CYP2C18: variants seen among roughly 807,000 people sequenced by gnomAD.
The protein encoded by CYP2C18 is cytochrome P450 2C18.
Under a neutral mutation model 41.3 loss-of-function variants are expected in CYP2C18, and 38 were observed. The observed-to-expected ratio is 0.92, with a 90% CI of 0.71 to 1.21. The LOEUF (loss-of-function observed/expected upper bound fraction) is 1.21. Among genes scored for constraint, CYP2C18 ranks in the 50% most tolerant of loss-of-function variants. The pLI is 0.00. For synonymous variants in CYP2C18, 236 were observed against 210.0 expected (o/e 1.12, Z -1.07); for missense variants, 635 against 591.4 (o/e 1.07, Z -0.77).
At chr10:94,701,422 G>C (rs1261897311) in intron 4 of CYP2C18, among the ~76,000 whole-genome samples, 1 of 151,932 alleles carries the variant, frequency 6.6e-6, no homozygotes, top group Non-Finnish European at 1.5e-5. Context: ...TGAACAGTGA[G>C]AACACACGGA....
intron 7 of CYP2C18, among the ~76,000 whole-genome samples, chr10:94,726,744 TCAACATCTTTTC>T (rs1847749749): frequency 6.6e-6 from 1 of 152,146 alleles, no homozygotes; most frequent in Non-Finnish European, 1.5e-5. Flanking sequence ...AATTTTTGTC[TCAACATCTTTTC>T]CAGTGCCTTC....
intron 5 of CYP2C18, among the ~76,000 whole-genome samples, chr10:94,717,968 A>T (rs1267544939): frequency 6.6e-6 from 1 of 151,886 alleles, no homozygotes; most frequent in Non-Finnish European, 1.5e-5. Context: ...TTTTTTGGGG[A>T]TGACTTTTCC....
intron 8 of CYP2C18, chr10:94,733,711 C>T: frequency 4.1e-6 from 2 of 491,922 alleles, no homozygotes; most frequent in Non-Finnish European, 5.3e-6. Context: ...ACTGAGCTAC[C>T]CAAGAGCTCT....
intron 3 of CYP2C18, among the ~76,000 whole-genome samples, chr10:94,694,265 A>C (rs992259230): frequency 6.6e-6 from 1 of 152,136 alleles, no homozygotes; most frequent in African/African-American, 2.4e-5. Flanking sequence ...TGTCTGCTCT[A>C]TTTGTAGTTT....
chr10:94,727,652 T>C (rs1847765115), intron 7 of CYP2C18, among the ~76,000 whole-genome samples: 1 of 151,766 alleles, frequency 6.6e-6, no homozygotes, highest in African/African-American at 2.4e-5. Flanking sequence ...AAAAGAAATA[T>C]CATGTATTCA....
intron 4 of CYP2C18, among the ~76,000 whole-genome samples, chr10:94,701,332 A>T (rs1847239885): frequency 6.6e-6 from 1 of 152,212 alleles, no homozygotes; most frequent in Non-Finnish European, 1.5e-5. Flanking sequence ...ACATGGATGA[A>T]GCTGGAAACC....
rs1363177696 is a variant in CYP2C18, at chr10:94,735,292, G to T, written c.1321G>T (p.Ala441Ser). 2 of 1,613,456 alleles carry T rather than the reference G, an allele frequency of 1.2e-6. No homozygotes were observed. The highest frequency in any genetic ancestry group is 1.3e-5 in the African/African-American group (1 of 74,880). ...ACGGATGTGTATGGGAGAGGGCCTG[G>T]CCCGCATGGAGCTGTTTTTATTCCT... ...GKRMCMGEGL[A>S]RMELFLFLTT... The change falls in exon 9 of 9, where the codon GCC becomes TCC. Residue 441 changes from alanine to serine, a missense_variant. By Grantham distance (99) the Ala-to-Ser change is moderately conservative. Coordinates refer to ENST00000285979, the MANE Select transcript of CYP2C18 (RefSeq NM_000772.3).
At chr10:94,695,215 C>A in intron 4 of CYP2C18, 138 bp downstream of exon 4, 1 of 734,174 alleles carries the variant, frequency 1.4e-6, no homozygotes, top group Non-Finnish European at 2.2e-6. Flanking sequence ...CATGGGTATA[C>A]ATGTGCCATG....
intron 5 of CYP2C18, among the ~76,000 whole-genome samples, chr10:94,707,705 G>C (rs138456176): frequency 6.6e-6 from 1 of 152,314 alleles, no homozygotes; most frequent in Non-Finnish European, 1.5e-5. Flanking sequence ...TGCTGAAAGT[G>C]TGGGCTACAG....
At position 94,695,040 on chromosome 10, in the gene CYP2C18, A is replaced by T. The variant is rs137908489; in HGVS notation, c.605A>T (p.Asn202Ile). The change falls in exon 4 of 9, where the codon AAT becomes ATT. Residue 202 changes from asparagine to isoleucine, a missense_variant. Transcript: ENST00000285979. ...QRFLNLMEKF[N>I]ENLRILSSPW... Reference sequence around the variant, plus strand: ...TTTCTTAACTTGATGGAAAAATTCAATGAAAACCTCAGGATTCTGAGCTCT... The same window carrying T: ...TTTCTTAACTTGATGGAAAAATTCATTGAAAACCTCAGGATTCTGAGCTCT... The T allele has an allele frequency of 1.2e-6, 2 of 1,613,086 alleles. No individual in the cohort carries two copies. The highest frequency in any genetic ancestry group is 2.2e-5 in the East Asian group (1 of 44,794).
At chr10:94,729,432 A>G (rs553644155) in intron 7 of CYP2C18, among the ~76,000 whole-genome samples, 1 of 152,292 alleles carries the variant, frequency 6.6e-6, no homozygotes, top group African/African-American at 2.4e-5. Flanking sequence ...AACAGCTCCA[A>G]CAGGCAAGGA....
intron 4 of CYP2C18, among the ~76,000 whole-genome samples, chr10:94,696,144 C>A (rs1390751060): frequency 6.6e-6 from 1 of 152,170 alleles, no homozygotes; most frequent in Non-Finnish European, 1.5e-5. Flanking sequence ...GTGGTTCTCC[C>A]AGCACACAGC....
intron 4 of CYP2C18, among the ~76,000 whole-genome samples, chr10:94,705,602 T>G: frequency 6.6e-6 from 1 of 152,208 alleles, no homozygotes; most frequent in East Asian, 1.9e-4. Flanking sequence ...TATAAACCTT[T>G]GACTGATTTC....
chr10:94,716,053 A>G (rs911081163), intron 5 of CYP2C18, among the ~76,000 whole-genome samples: 2 of 151,792 alleles, frequency 1.3e-5, no homozygotes, highest in African/African-American at 2.4e-5. Context: ...TTTTTATTGC[A>G]TCTATTTGAT....
At chr10:94,705,383 A>C (rs771223610) in intron 4 of CYP2C18, among the ~76,000 whole-genome samples, 1 of 152,184 alleles carries the variant, frequency 6.6e-6, no homozygotes, top group African/African-American at 2.4e-5. Flanking sequence ...GAGGGAGAGC[A>C]TTAGGAAAAA....
chr10:94,688,990 T>C (rs1293288880), intron 3 of CYP2C18, among the ~76,000 whole-genome samples: 2 of 152,148 alleles, frequency 1.3e-5, no homozygotes, highest in Admixed American at 6.6e-5. Context: ...GGGGGTTTAT[T>C]CTAAGGTCTG....
chr10:94,715,234 G>A (rs530627872), intron 5 of CYP2C18, among the ~76,000 whole-genome samples: 1 of 152,304 alleles, frequency 6.6e-6, no homozygotes, highest in Non-Finnish European at 1.5e-5. Context: ...GAAGTGGTGA[G>A]AGAGGGCATC....
chr10:94,715,713 G>C (rs1312216669), intron 5 of CYP2C18, among the ~76,000 whole-genome samples: 2 of 152,172 alleles, frequency 1.3e-5, no homozygotes, highest in Non-Finnish European at 2.9e-5. Flanking sequence ...CATTAGGGAG[G>C]ATTCCCTCTT....
chr10:94,693,445 T>A (rs1017124251), intron 3 of CYP2C18, among the ~76,000 whole-genome samples: 2 of 152,200 alleles, frequency 1.3e-5, no homozygotes, highest in African/African-American at 4.8e-5. Context: ...CCTCTTTTCT[T>A]ATAAATTACC....
Sources: gnomAD v4.1 joint callset for allele counts (sites outside exome capture counted in the v4.1 genomes callset) on GRCh38, gnomAD v4.1.1 for gene constraint, MANE v1.5 for transcripts, NCBI Gene and HGNC (gene_info 2026-07-23, HGNC 2026-07-21) for gene names.